MUC4: variants seen among roughly 807,000 people sequenced by gnomAD.
MUC4 encodes mucin-4.
In MUC4, 202 loss-of-function variants were observed where a neutral mutation model predicts 257.9. The ratio of observed to expected loss-of-function variants is 0.78; its 90% CI spans 0.70 to 0.88. MUC4 has a LOEUF of 0.88. Among genes scored for constraint, MUC4 ranks in the 40% least tolerant of loss-of-function variants. The pLI is 0.00. For missense variants in MUC4, 5,976 were observed against 6,513.7 expected (o/e 0.92, Z 2.84); for synonymous variants, 2,351 against 2,757.1 (o/e 0.85, Z 4.62).
intron 18 of MUC4, among the ~76,000 whole-genome samples, chr3:195,756,375 T>C (rs902065435): frequency 4.6e-5 from 7 of 152,210 alleles, no homozygotes; most frequent in Admixed American, 2.0e-4. Flanking sequence ...CAGGGCCCTC[T>C]GCTGGGCTTC....
rs1209941041 is a variant in MUC4, at chr3:195,780,594, G to A, written c.10986C>T (p.Ala3662=). 2.2e-6 allele frequency: 3 copies of A among 1,360,734 alleles called. No individual in the cohort carries two copies. Among genetic ancestry groups the A allele is most frequent in the African/African-American group, 5.6e-5 (2 of 35,792 alleles). 84.3% of individuals were successfully genotyped at this position (1,360,734 alleles called of 1,614,324 possible). Residue 3662 remains alanine, a synonymous_variant, in exon 2 of 25, where the codon GCC becomes GCT. Transcript: ENST00000463781. Reference sequence around the variant, plus strand: ...AAGTGTCGGTGACAGGAAGAGGGGTGGCGTGACCTGTGGATACTGAGGAAG... The same window carrying A: ...AAGTGTCGGTGACAGGAAGAGGGGTAGCGTGACCTGTGGATACTGAGGAAG... ...TDASSVSTGH[A]TPLPVTDTSS...
chr3:195,801,816 C>T (rs184617679), intron 1 of MUC4, among the ~76,000 whole-genome samples: 1 of 152,128 alleles, frequency 6.6e-6, no homozygotes, highest in Non-Finnish European at 1.5e-5. Context: ...TTGCGCCCCC[C>T]CCTCCACGTG....
At position 195,770,182 on chromosome 3, in the gene MUC4, A is replaced by C. The variant is rs776774104; in HGVS notation, c.13398+34T>G. On this transcript the variant is annotated intron_variant, in intron 6 of 24. Transcript: ENST00000463781. ...GGATTCTAGGATGTCTGACTCCCAG[A>C]TAGCTCCTGGGAGCTGCCCAGGGGT... is the stretch of plus-strand genomic sequence containing the variant. 3 of 1,521,508 alleles carry C rather than the reference A, an allele frequency of 2.0e-6. 1 individual carries two copies. In the South Asian group the frequency reaches 3.8e-5, roughly 19 times the overall value. 94.3% of individuals were successfully genotyped at this position (1,521,508 alleles called of 1,614,324 possible).
chr3:195,770,437 T>TTTC, intron 5 of MUC4, 66 bp from the exon 6 acceptor site: 4 of 1,591,544 alleles, frequency 2.5e-6, no homozygotes, highest in Non-Finnish European at 3.4e-6. Context: ...GGCCCCCCAC[T>TTTC]TTCTGCCTGA....
Position 195,751,276 on chromosome 3 carries a change from G to C in MUC4, c.15583-5C>G, listed in dbSNP as rs776111990. On this transcript the variant is annotated splice_region_variant and splice_polypyrimidine_tract_variant and intron_variant, in intron 21 of 24. Coordinates refer to ENST00000463781, the MANE Select transcript of MUC4 (RefSeq NM_018406.7). The stretch of plus-strand genomic sequence containing the variant: ...GGTCCCCAGTCTGTATGCCACCTAG[G>C]TTAGAGGATGGCAGATGGGGGTGGG... The C allele has an allele frequency of 6.2e-7, 1 of 1,601,640 alleles. No homozygotes were observed. The highest frequency in any genetic ancestry group is 2.2e-5 in the East Asian group (1 of 44,610).
intron 20 of MUC4, 146 bp from the exon 21 acceptor site, chr3:195,752,592 AT>A: frequency 1.6e-6 from 1 of 636,910 alleles, no homozygotes; most frequent in Non-Finnish European, 2.9e-6. Context: ...CTCACCCTAC[AT>A]TCCACAGTGA....
intron 5 of MUC4, 144 bp from the exon 6 acceptor site, chr3:195,770,515 G>A: frequency 1.1e-6 from 1 of 882,474 alleles, no homozygotes; most frequent in South Asian, 1.6e-5. Context: ...TTTTTGCCGT[G>A]AGCTTTTCTG....
intron 1 of MUC4, among the ~76,000 whole-genome samples, chr3:195,804,334 T>A (rs1735712795): frequency 6.6e-6 from 1 of 152,246 alleles, no homozygotes; most frequent in Admixed American, 6.5e-5. Flanking sequence ...AGGCATCGTT[T>A]TCCCCAGATG....
intron 1 of MUC4, among the ~76,000 whole-genome samples, chr3:195,794,751 T>C (rs1734364077): frequency 6.6e-6 from 1 of 152,160 alleles, no homozygotes; most frequent in South Asian, 2.1e-4. Flanking sequence ...CAAGTCCACT[T>C]TCTGGAATTG....
intron 2 of MUC4, 65 bp downstream of exon 2, chr3:195,778,725 T>A: frequency 6.7e-7 from 1 of 1,484,984 alleles, no homozygotes; most frequent in Non-Finnish European, 9.1e-7. Flanking sequence ...TCTCAGGTAC[T>A]CCTTAGGCTG....
intron 21 of MUC4, 182 bp from the exon 22 acceptor site, chr3:195,751,453 G>A: frequency 4.8e-6 from 3 of 618,760 alleles, no homozygotes; most frequent in Non-Finnish European, 5.8e-6. Context: ...AGTGTCATGG[G>A]TCCTTGCTTA....
At chr3:195,754,800 ATGCATGTATGTATCCATGTG>A (rs1354741812) in intron 18 of MUC4, among the ~76,000 whole-genome samples, 79 of 152,268 alleles carry the variant, frequency 5.2e-4, no homozygotes, top group African/African-American at 1.8e-3. Flanking sequence ...CCATGCATGT[ATGCATGTATGTATCCATGTG>A]TGTATCCATG....
chr3:195,790,823 C>T lies in MUC4; in HGVS notation c.757G>A (p.Val253Ile). 1.9e-6 allele frequency: 3 copies of T among 1,613,656 alleles called. No individual in the cohort carries two copies. Among genetic ancestry groups the T allele is most frequent in the Non-Finnish European group, 2.5e-6 (3 of 1,179,848 alleles). Residue 253 changes from valine (V) to isoleucine (I), a missense_variant, in exon 2 of 25, where the codon GTC becomes ATC. Val to Ile is a conservative substitution (Grantham distance 29). Around this residue, in one of 44 missense-constraint regions of MUC4, gnomAD observed 1,583 missense variants for 1,257.4 expected, o/e 1.26. Coordinates refer to ENST00000463781, the MANE Select transcript of MUC4 (RefSeq NM_018406.7). ...GETATSSLCS[V>I]TNTSMMTSEK... Reference sequence around the variant, plus strand: ...GATGTCATCATGGATGTGTTTGTGACACTACAGAGGGATGAGGTAGCTGTT... The same window carrying T: ...GATGTCATCATGGATGTGTTTGTGATACTACAGAGGGATGAGGTAGCTGTT...
chr3:195,804,757 G>A (rs1008521726), intron 1 of MUC4, among the ~76,000 whole-genome samples: 5 of 152,260 alleles, frequency 3.3e-5, no homozygotes, highest in Non-Finnish European at 5.9e-5. Context: ...CGGAAGGCGC[G>A]CAGACGCTGA....
chr3:195,761,636 T>C, intron 14 of MUC4, 51 bp from the exon 15 acceptor site: 1 of 1,398,562 alleles, frequency 7.2e-7, no homozygotes, highest in Non-Finnish European at 1.0e-6. Context: ...GCTGTCCCCT[T>C]CCTGGGGAGC....
In MUC4 at chr3:195,810,588, G is replaced by A. The variant is rs900222132; in HGVS notation, c.82+1148C>T. Among the ~76,000 whole-genome samples, 2 of 152,192 alleles carry A rather than the reference G, an allele frequency of 1.3e-5. No individual in the cohort carries two copies. The highest frequency in any genetic ancestry group is 1.5e-5 in the Non-Finnish European group (1 of 67,992). ...GGGGCTACGAGCCCCAGGCAAGGCC[G>A]TGACCCAAATGGAGGCTTTTAAACC... On this transcript the variant is annotated intron_variant, in intron 1 of 24. Transcript: ENST00000463781. This position sits in a 1 kb window ranked among gnomAD's most constrained non-coding sequence, Gnocchi z 4.2.
chr3:195,778,708 C>A (rs1725633701), intron 2 of MUC4, 82 bp downstream of exon 2: 6 of 1,436,398 alleles, frequency 4.2e-6, no homozygotes, highest in Non-Finnish European at 5.7e-6. Flanking sequence ...TGCGAATGCA[C>A]CAGTGTTCTC....
Position 195,783,798 on chromosome 3 carries a change from AG to A in MUC4, c.7781del (p.Pro2594LeufsTer410), listed in dbSNP as rs1729642127. The A allele has an allele frequency of 1.4e-6, 2 of 1,474,022 alleles. No homozygotes were observed. The highest frequency in any genetic ancestry group is 9.1e-7 in the Non-Finnish European group (1 of 1,093,486). The allele number at this position is 1,474,022 out of a possible 1,614,324, so 91.3% of individuals were successfully genotyped here. A position where few individuals can be genotyped will look rare whatever the true frequency, so the allele number is the denominator to read the frequency against. ...TGGATGCTGAGTAAGTGTCGGTGAC[AG>A]GAAGAGGGGTGGTGTCACCTGTGGA... is the stretch of plus-strand genomic sequence containing the variant. Reference protein sequence around the residue: ...SASTGDTTPLPVTDTYSASTG... With the variant: ...SASTGDTTPLXVTDTYSASTG... On this transcript the variant is annotated frameshift_variant, in exon 2 of 25. Coordinates refer to ENST00000463781, the MANE Select transcript of MUC4 (RefSeq NM_018406.7). LOFTEE classifies it high-confidence loss of function.
At chr3:195,772,640 A>C (rs527397216) in intron 4 of MUC4, among the ~76,000 whole-genome samples, 13 of 110,992 alleles carry the variant, frequency 1.2e-4, no homozygotes, top group African/African-American at 3.6e-4. Flanking sequence ...GGGGGTGGAA[A>C]CCTCTCTCTA....
Sources: gnomAD v4.1 joint callset for allele counts (sites outside exome capture counted in the v4.1 genomes callset) on GRCh38, gnomAD v4.1.1 for gene constraint, gnomAD v4.1.1 regional missense constraint, Gnocchi (gnomAD v3.1) non-coding constraint, MANE v1.5 for transcripts, NCBI Gene and HGNC (gene_info 2026-07-23, HGNC 2026-07-21) for gene names.